Variants in MIPEP observed in about 807,000 individuals in gnomAD.
MIPEP encodes mitochondrial intermediate peptidase.
In MIPEP, 79 loss-of-function variants were observed where a neutral mutation model predicts 90.3. The ratio of observed to expected loss-of-function variants is 0.87; its 90% CI spans 0.73 to 1.05. The LOEUF (loss-of-function observed/expected upper bound fraction) is 1.05. Among genes scored for constraint, MIPEP ranks in the 50% least tolerant of loss-of-function variants. The probability of loss-of-function intolerance (pLI) is 0.00; values close to 1 mark genes in which losing one functional copy is unlikely to be tolerated. For missense variants in MIPEP, 940 were observed against 905.6 expected, an observed-to-expected ratio of 1.04 and a Z score of -0.49; for synonymous variants, 334 against 315.8, an observed-to-expected ratio of 1.06 and a Z score of -0.61.
rs574953495 is a variant in MIPEP, at chr13:23,854,096, T to C, written c.1106+4764A>G. Reference sequence around the variant, plus strand: ...ATCCCAGCACTTTGGGAGGCCGAGGTGGGCGGATCACAAGTTCAGCAGATC... The same window carrying C: ...ATCCCAGCACTTTGGGAGGCCGAGGCGGGCGGATCACAAGTTCAGCAGATC... On this transcript the variant is annotated intron_variant, in intron 10 of 18. Transcript: ENST00000382172. Among the ~76,000 whole-genome samples the C allele has an allele frequency of 2.5e-3, 375 of 149,740 alleles. 3 individuals carry two copies. The highest frequency in any genetic ancestry group is 0.017 in the East Asian group (84 of 4,970).
intron 16 of MIPEP, chr13:23,760,627 C>G (rs745763098): frequency 9.8e-6 from 5 of 512,748 alleles, no homozygotes; most frequent in Non-Finnish European, 2.0e-5. Flanking sequence ...GAAGCCAGAT[C>G]TGCTGACACC....
intron 17 of MIPEP, among the ~76,000 whole-genome samples, chr13:23,757,982 G>A (rs934032095): frequency 6.6e-6 from 1 of 152,198 alleles, no homozygotes; most frequent in Admixed American, 6.5e-5. Flanking sequence ...CTCTTTACAT[G>A]TGGGTCATTT....
intron 16 of MIPEP, among the ~76,000 whole-genome samples, chr13:23,790,539 C>G (rs531119963): frequency 3.3e-5 from 5 of 151,910 alleles, no homozygotes; most frequent in African/African-American, 1.2e-4. Flanking sequence ...TGAGTACGCC[C>G]TAGTCAGAAC....
rs73450218 is a variant in MIPEP, at chr13:23,801,218, C to T, written c.1848+4732G>A. Among the ~76,000 whole-genome samples, 345 of 152,320 alleles carry T rather than the reference C, an allele frequency of 2.3e-3. 1 individual carries two copies. The highest frequency in any genetic ancestry group is 7.9e-3 in the African/African-American group (329 of 41,578). On this transcript the variant is annotated intron_variant, in intron 16 of 18. Transcript: ENST00000382172. The stretch of plus-strand genomic sequence containing the variant: ...AGGCGCTACAAAGTCATCTTCTATC[C>T]GATATGGAAGTTGAAAGCCTTGCAG...
At chr13:23,817,784 TC>T (rs1953257986) in intron 14 of MIPEP, among the ~76,000 whole-genome samples, 1 of 152,094 alleles carries the variant, frequency 6.6e-6, no homozygotes, top group African/African-American at 2.4e-5. Context: ...CAAAGGCACT[TC>T]CATCCAAAAT....
At chr13:23,792,718 A>C (rs1404483898) in intron 16 of MIPEP, among the ~76,000 whole-genome samples, 2 of 152,162 alleles carry the variant, frequency 1.3e-5, no homozygotes, top group Admixed American at 6.5e-5. Context: ...CCCTTGCAGT[A>C]ATTTTCAACT....
Position 23,879,331 on chromosome 13 carries a change from T to C in MIPEP, c.476A>G (p.Tyr159Cys). The C allele has an allele frequency of 6.3e-7, 1 of 1,590,680 alleles. No homozygotes were observed. The highest frequency in any genetic ancestry group is 8.6e-7 in the Non-Finnish European group (1 of 1,159,566). ...VEKLNTNVDL[Y>C]QSLQKLLADK... is the part of the protein sequence containing the mutation. Reference sequence around the variant, plus strand: ...AGCTAGTAATTTTTGCAAACTTTGATATAAATCCACATTTGTGTTCAACCT... The same window carrying C: ...AGCTAGTAATTTTTGCAAACTTTGACATAAATCCACATTTGTGTTCAACCT... The change falls in exon 4 of 19, where the codon TAT becomes TGT. Residue 159 changes from tyrosine to cysteine, a missense_variant. Transcript: ENST00000382172.
At chr13:23,840,435 A>C (rs1019355265) in intron 11 of MIPEP, among the ~76,000 whole-genome samples, 1 of 152,244 alleles carries the variant, frequency 6.6e-6, no homozygotes, top group Non-Finnish European at 1.5e-5. Context: ...TGGAGTGCAC[A>C]TTCTGCAGTT....
chr13:23,827,460 C>T (rs115440501), intron 14 of MIPEP, among the ~76,000 whole-genome samples: 2,237 of 152,156 alleles, frequency 0.015, 53 homozygotes, highest in African/African-American at 0.05. Context: ...AAACAACAGA[C>T]CCTGAATGGT....
At chr13:23,747,370 G>T (rs1565980012) in intron 18 of MIPEP, among the ~76,000 whole-genome samples, 2 of 152,186 alleles carry the variant, frequency 1.3e-5, no homozygotes, top group Non-Finnish European at 2.9e-5. Context: ...ACTCTGGCCA[G>T]TAAGGACCTA....
chr13:23,751,966 G>A (rs1952446580), intron 18 of MIPEP, among the ~76,000 whole-genome samples: 1 of 151,846 alleles, frequency 6.6e-6, no homozygotes, highest in Non-Finnish European at 1.5e-5. Context: ...AACCATCAGG[G>A]CCCAAGACCC....
chr13:23,738,725 T>A (rs2138485237), intron 18 of MIPEP, among the ~76,000 whole-genome samples: 1 of 152,272 alleles, frequency 6.6e-6, no homozygotes, highest in East Asian at 1.9e-4. Context: ...CCCATGGGAT[T>A]ACAGGCGTGC....
chr13:23,836,998 T>C (rs1038944018), intron 13 of MIPEP, among the ~76,000 whole-genome samples: 5 of 152,184 alleles, frequency 3.3e-5, no homozygotes, highest in East Asian at 1.9e-4. Flanking sequence ...CCATATGTGA[T>C]AGGGAGCTTA....
intron 14 of MIPEP, among the ~76,000 whole-genome samples, chr13:23,823,280 A>C (rs1246689419): frequency 6.6e-6 from 1 of 152,132 alleles, no homozygotes; most frequent in African/African-American, 2.4e-5. Flanking sequence ...AGAGTATCCT[A>C]TTTTCTCATT....
chr13:23,783,636 A>C (rs925503973), intron 16 of MIPEP, among the ~76,000 whole-genome samples: 5 of 152,196 alleles, frequency 3.3e-5, no homozygotes, highest in Non-Finnish European at 7.3e-5. Flanking sequence ...AAGGGTATAC[A>C]ATTAGGAAAA....
intron 18 of MIPEP, among the ~76,000 whole-genome samples, chr13:23,752,837 G>C (rs1389505452): frequency 6.6e-6 from 1 of 152,026 alleles, no homozygotes; most frequent in East Asian, 1.9e-4. Context: ...TTTAAAAATA[G>C]ACAAGGCCAT....
intron 6 of MIPEP, 45 bp from the exon 7 acceptor site, chr13:23,869,493 C>T (rs748539234): frequency 2.7e-6 from 4 of 1,497,190 alleles, no homozygotes; most frequent in South Asian, 2.8e-5. Context: ...TATCATCACA[C>T]AGTCCTATGC....
intron 16 of MIPEP, among the ~76,000 whole-genome samples, chr13:23,769,664 G>A (rs1952629141): frequency 6.6e-6 from 1 of 152,142 alleles, no homozygotes. Context: ...CCTGCCGTGG[G>A]GAATCAGGCA....
chr13:23,758,716 T>C (rs1162099058), intron 17 of MIPEP, among the ~76,000 whole-genome samples: 2 of 152,218 alleles, frequency 1.3e-5, no homozygotes, highest in Non-Finnish European at 2.9e-5. Flanking sequence ...AAAAATTCTA[T>C]GACATCACAT....
Sources: gnomAD v4.1 joint callset for allele counts (sites outside exome capture counted in the v4.1 genomes callset) on GRCh38, gnomAD v4.1.1 for gene constraint, MANE v1.5 for transcripts, NCBI Gene and HGNC (gene_info 2026-07-23, HGNC 2026-07-21) for gene names.